The following ZDHHC21 variants were observed in gnomAD, a reference collection of about 807,000 sequenced individuals.
The protein encoded by ZDHHC21 is palmitoyltransferase ZDHHC21.
A neutral mutation model predicts 34.6 loss-of-function variants in ZDHHC21; 15 were observed. That is an observed-to-expected ratio of 0.43 (90% CI 0.29 to 0.67). The LOEUF (loss-of-function observed/expected upper bound fraction) is 0.67, where lower values mean the gene tolerates loss of function less well. ZDHHC21 is among the 30% of genes least tolerant of loss of function. ZDHHC21 has a pLI of 0.14. For synonymous variants in ZDHHC21, 142 were observed against 101.8 expected (o/e 1.40, Z -2.38); for missense variants, 344 against 327.7 (o/e 1.05, Z -0.38).
At chr9:14,631,317 T>G (rs1171145964) in intron 8 of ZDHHC21, among the ~76,000 whole-genome samples, 7 of 152,214 alleles carry the variant, frequency 4.6e-5, no homozygotes, top group Non-Finnish European at 1.0e-4. Flanking sequence ...AGCTTCCAAC[T>G]TTTCTTCTCC....
intron 2 of ZDHHC21, among the ~76,000 whole-genome samples, chr9:14,681,310 A>G (rs1837328371): frequency 6.6e-6 from 1 of 152,114 alleles, no homozygotes; most frequent in South Asian, 2.1e-4. Context: ...ATCCTAGCAC[A>G]CTGGGCTCAA....
intron 8 of ZDHHC21, among the ~76,000 whole-genome samples, chr9:14,638,897 C>T (rs904896719): frequency 6.6e-6 from 1 of 151,976 alleles, no homozygotes; most frequent in South Asian, 2.1e-4. Context: ...CTCTTGTACA[C>T]TGTTGGTGGG....
intron 7 of ZDHHC21, among the ~76,000 whole-genome samples, chr9:14,649,927 G>T (rs554591473): frequency 6.6e-6 from 1 of 152,140 alleles, no homozygotes; most frequent in South Asian, 2.1e-4. Flanking sequence ...AAAAGTAAAA[G>T]AAGAGTAAGA....
rs1268208653 is a variant in ZDHHC21, at chr9:14,616,624, T to A, written c.*2342A>T. 6.6e-6 allele frequency: 1 copy of A among 151,794 alleles called. No individual in the cohort carries two copies. The allele number at this position is 151,794 out of a possible 1,614,324, so 9.4% of individuals were successfully genotyped here. A position where few individuals can be genotyped will look rare whatever the true frequency, so the allele number is the denominator to read the frequency against. ...GCTTAGCAAACTGCCAGTTGGTTTTTCTCTAGTAGTCTAATAAGAATTAAC... is the reference window on the plus strand; with the variant it reads ...GCTTAGCAAACTGCCAGTTGGTTTTACTCTAGTAGTCTAATAAGAATTAAC... On this transcript the variant is annotated 3_prime_UTR_variant, in exon 10 of 10. Coordinates refer to ENST00000380916, the MANE Select transcript of ZDHHC21 (RefSeq NM_178566.6).
In ZDHHC21 at chr9:14,693,213, G is replaced by T. The variant is rs1187961779; in HGVS notation, c.-225+16C>A. 5.4e-6 allele frequency: 2 copies of T among 367,102 alleles called. No homozygotes were observed. The highest frequency in any genetic ancestry group is 4.5e-5 in the African/African-American group (2 of 44,428). The allele number at this position is 367,102 out of a possible 1,614,324, so 22.7% of individuals were successfully genotyped here. A position where few individuals can be genotyped will look rare whatever the true frequency, so the allele number is the denominator to read the frequency against. On this transcript the variant is annotated intron_variant, in intron 1 of 9. Transcript: ENST00000380916. ...GGGTGGGGGCGGCCGCTTCGCCCCC[G>T]CGCCTGCACACTCACCGTCGCCGCT...
At chr9:14,600,260 T>C in the ZDHHC21 span, among the ~76,000 whole-genome samples, 16,282 of 152,218 alleles carry the variant, frequency 0.11, 1,226 homozygotes, top group South Asian at 0.3. Context: ...GAAAACCCCA[T>C]TGACTCAGCC....
At chr9:14,669,633 AG>A (rs1314660175) in intron 5 of ZDHHC21, among the ~76,000 whole-genome samples, 53 of 144,642 alleles carry the variant, frequency 3.7e-4, no homozygotes, top group Admixed American at 7.7e-4. Flanking sequence ...GACTGGATTA[AG>A]AAAATGTGGC....
intron 7 of ZDHHC21, among the ~76,000 whole-genome samples, chr9:14,652,599 A>G (rs1337684558): frequency 6.6e-6 from 1 of 152,012 alleles, no homozygotes; most frequent in East Asian, 1.9e-4. Context: ...CAGCTCAGAA[A>G]GAGCTCTCCT....
chr9:14,676,260 G>A lies in ZDHHC21; in HGVS notation c.-45-1875C>T, dbSNP rs572514688. Among the ~76,000 whole-genome samples, 5 of 152,006 alleles carry A rather than the reference G, an allele frequency of 3.3e-5. No homozygotes were observed. The East Asian group carries it at 9.7e-4, about 29-fold the overall frequency. Reference sequence around the variant, plus strand: ...TTTTCTGGTTGATTAGATATTAGGGGTTACAGGGGAAAGTGTCAAGGGTGA... The same window carrying A: ...TTTTCTGGTTGATTAGATATTAGGGATTACAGGGGAAAGTGTCAAGGGTGA... On this transcript the variant is annotated intron_variant, in intron 3 of 9. Transcript: ENST00000380916.
chr9:14,593,529 G>A, the ZDHHC21 span: 4 of 152,232 alleles, frequency 2.6e-5, no homozygotes, highest in South Asian at 2.1e-4. Flanking sequence ...TGAGTGGGAC[G>A]ATGACAGTGG....
At chr9:14,661,651 G>A (rs577500354) in intron 6 of ZDHHC21, among the ~76,000 whole-genome samples, 2 of 152,130 alleles carry the variant, frequency 1.3e-5, no homozygotes, top group Middle Eastern at 3.2e-3. Context: ...TATTACAAGA[G>A]AGCCCCCTAT....
the ZDHHC21 span, among the ~76,000 whole-genome samples, chr9:14,598,814 A>G: frequency 6.6e-6 from 1 of 152,150 alleles, no homozygotes; most frequent in Non-Finnish European, 1.5e-5. Flanking sequence ...GCAGTGTGGC[A>G]CAATCATGCC....
chr9:14,591,897 A>G, the ZDHHC21 span, among the ~76,000 whole-genome samples: 2 of 150,644 alleles, frequency 1.3e-5, no homozygotes, highest in East Asian at 1.9e-4. Context: ...TACTGCTTGC[A>G]TGATATCTGT....
Position 14,614,416 on chromosome 9 carries a change from A to G in ZDHHC21, c.*4550T>C, listed in dbSNP as rs1381817255. 1 of 151,772 alleles carries G rather than the reference A, an allele frequency of 6.6e-6. No homozygotes were observed. Among genetic ancestry groups the G allele is most frequent in the Non-Finnish European group, 1.5e-5 (1 of 67,756 alleles). 9.4% of individuals were successfully genotyped at this position (151,772 alleles called of 1,614,324 possible). A position where few individuals can be genotyped will look rare whatever the true frequency, so the allele number is the denominator to read the frequency against. Reference sequence around the variant, plus strand: ...TTGCTAAAAATTGCACAATGATAATAAAAGAAGTCAGAAAAGTCACTTTCC... The same window carrying G: ...TTGCTAAAAATTGCACAATGATAATGAAAGAAGTCAGAAAAGTCACTTTCC... On this transcript the variant is annotated 3_prime_UTR_variant, in exon 10 of 10. Coordinates refer to ENST00000380916, the MANE Select transcript of ZDHHC21 (RefSeq NM_178566.6).
At chr9:14,677,349 A>G (rs1205497838) in intron 3 of ZDHHC21, 3 of 152,044 alleles carry the variant, frequency 2.0e-5, no homozygotes, top group African/African-American at 4.8e-5. Context: ...GTCGTAGAAC[A>G]CAAAACAGTG....
At chr9:14,648,861 T>C (rs971041546) in intron 7 of ZDHHC21, among the ~76,000 whole-genome samples, 1 of 152,116 alleles carries the variant, frequency 6.6e-6, no homozygotes, top group Non-Finnish European at 1.5e-5. Context: ...ATCAATGAGT[T>C]TGAAGCAATT....
the ZDHHC21 span, among the ~76,000 whole-genome samples, chr9:14,592,813 G>C: frequency 2.0e-5 from 3 of 152,080 alleles, no homozygotes; most frequent in Non-Finnish European, 4.4e-5. Flanking sequence ...CTCATACAAA[G>C]TGTGTTTTAC....
chr9:14,641,477 C>A (rs1458801611), intron 7 of ZDHHC21, among the ~76,000 whole-genome samples: 7 of 152,106 alleles, frequency 4.6e-5, no homozygotes, highest in Admixed American at 2.0e-4. Flanking sequence ...ACAAGTTTGA[C>A]CATGGCAATC....
chr9:14,641,057 G>A (rs1339840788), intron 7 of ZDHHC21, among the ~76,000 whole-genome samples: 1 of 152,052 alleles, frequency 6.6e-6, no homozygotes, highest in East Asian at 1.9e-4. Flanking sequence ...CCACCCACAT[G>A]CTTTCTTTTA....
Sources: gnomAD v4.1 joint callset for allele counts (sites outside exome capture counted in the v4.1 genomes callset) on GRCh38, gnomAD v4.1.1 for gene constraint, MANE v1.5 for transcripts, NCBI Gene and HGNC (gene_info 2026-07-23, HGNC 2026-07-21) for gene names.